The following BMP8A variants were observed in gnomAD, a reference collection of about 807,000 sequenced individuals.
BMP8A encodes the protein bone morphogenetic protein 8a.
Under a neutral mutation model 36.8 loss-of-function variants are expected in BMP8A, and 14 were observed. The observed-to-expected ratio is 0.38, with a 90% CI of 0.25 to 0.60. BMP8A has a LOEUF of 0.60. BMP8A is among the 20% of genes least tolerant of loss of function. The pLI is 0.63. For synonymous variants in BMP8A, 120 were observed against 237.7 expected, an observed-to-expected ratio of 0.50 and a Z score of 4.55; for missense variants, 267 against 551.1, an observed-to-expected ratio of 0.48 and a Z score of 5.16.
chr1:39,508,545 A>G (rs1645323272), intron 1 of BMP8A, among the ~76,000 whole-genome samples: 1 of 152,214 alleles, frequency 6.6e-6, no homozygotes, highest in African/African-American at 2.4e-5. Flanking sequence ...GAGCCCAGTT[A>G]CTGGCCAGAG....
chr1:39,523,490 A>G, intron 6 of BMP8A: 2 of 1,313,216 alleles, frequency 1.5e-6, no homozygotes, highest in Non-Finnish European at 2.0e-6. Context: ...CGGGCCCCCG[A>G]GTACGCTGGC....
intron 1 of BMP8A, among the ~76,000 whole-genome samples, chr1:39,509,804 A>C (rs1381239195): frequency 6.6e-6 from 1 of 152,090 alleles, no homozygotes; most frequent in Admixed American, 6.5e-5. Flanking sequence ...TTGAAATCTC[A>C]GTGTTGGGTT....
intron 3 of BMP8A, among the ~76,000 whole-genome samples, chr1:39,516,895 A>C (rs975668814): frequency 1.3e-5 from 2 of 152,078 alleles, no homozygotes; most frequent in African/African-American, 4.8e-5. Flanking sequence ...GGGACATTTT[A>C]CTACTGCAGT....
intron 1 of BMP8A, among the ~76,000 whole-genome samples, chr1:39,506,366 G>A (rs1300756997): frequency 2.0e-5 from 3 of 151,914 alleles, no homozygotes; most frequent in Non-Finnish European, 2.9e-5. Context: ...CTACCACCAC[G>A]CCCAGCTAAT....
chr1:39,519,595 G>A (rs1163669712), intron 3 of BMP8A, among the ~76,000 whole-genome samples: 4 of 148,286 alleles, frequency 2.7e-5, no homozygotes, highest in Non-Finnish European at 4.5e-5. Flanking sequence ...ACGGGTCAAA[G>A]GTTGGTCTCT....
chr1:39,517,507 T>C (rs1195095239), intron 3 of BMP8A, among the ~76,000 whole-genome samples: 1 of 151,890 alleles, frequency 6.6e-6, no homozygotes, highest in African/African-American at 2.4e-5. Flanking sequence ...TTTTTAACAG[T>C]AGAGATAGGG....
Position 39,491,831 on chromosome 1 carries a change from C to A in BMP8A, c.-161C>A, listed in dbSNP as rs2124291240. On this transcript the variant is annotated 5_prime_UTR_variant, in exon 1 of 7. Transcript: ENST00000331593. The stretch of plus-strand genomic sequence containing the variant: ...TTGTCCCGGAGCCGGGGCAGGTGCG[C>A]GCGGGGGGCGCTCCAGGGACCGCGC... 1.9e-6 allele frequency: 1 copy of A among 530,908 alleles called. No homozygotes were observed. 32.9% of individuals were successfully genotyped at this position (530,908 alleles called of 1,614,324 possible).
Position 39,529,434 on chromosome 1 carries a change from T to C in BMP8A, c.*3636T>C, listed in dbSNP as rs932539547. ...GGGTCTCTGCTGAGGAAGTGGCAGG[T>C]GTGCGGCCCTGCCCTGGCCCCGTAG... On this transcript the variant is annotated 3_prime_UTR_variant, in exon 7 of 7. Coordinates refer to ENST00000331593, the MANE Select transcript of BMP8A (RefSeq NM_181809.4). 1.3e-5 allele frequency among the ~76,000 whole-genome samples: 2 copies of C among 152,026 alleles called. No individual in the cohort carries two copies. Among genetic ancestry groups the C allele is most frequent in the Admixed American group, 6.5e-5 (1 of 15,272 alleles).
chr1:39,493,819 C>T (rs902364), intron 1 of BMP8A, among the ~76,000 whole-genome samples: 15,980 of 152,160 alleles, frequency 0.11, 1,541 homozygotes, highest in East Asian at 0.33. Flanking sequence ...ACACTGGGCT[C>T]AGGACCAAGA....
At chr1:39,523,158 A>G (rs374660521) in intron 6 of BMP8A, 41 bp downstream of exon 6, 123 of 1,598,944 alleles carry the variant, frequency 7.7e-5, no homozygotes, top group Middle Eastern at 5.0e-4. Flanking sequence ...CTGGGGTGGG[A>G]GGCCCTGCAG....
At chr1:39,504,283 C>T (rs533238507) in intron 1 of BMP8A, among the ~76,000 whole-genome samples, 2 of 151,898 alleles carry the variant, frequency 1.3e-5, no homozygotes, top group East Asian at 1.9e-4. Context: ...GGACCTGCAC[C>T]GGCACTGGTC....
chr1:39,522,452 C>G lies in BMP8A; in HGVS notation c.918C>G (p.Leu306=), dbSNP rs1213193134. 1 of 1,613,698 alleles carries G rather than the reference C, an allele frequency of 6.2e-7. No homozygotes were observed. Among genetic ancestry groups the G allele is most frequent in the East Asian group, 2.2e-5 (1 of 44,836 alleles). Residue 306 remains leucine (L), a synonymous_variant, in exon 5 of 7, where the codon CTC becomes CTG. Transcript: ENST00000331593. Reference sequence around the variant, plus strand: ...GGCAGGTCTGCCGTCGGCACGAGCTCTACGTCAGCTTCCAGGACCTTGGCT... The same window carrying G: ...GGCAGGTCTGCCGTCGGCACGAGCTGTACGTCAGCTTCCAGGACCTTGGCT... ...HGRQVCRRHE[L]YVSFQDLGWL... is the part of the protein sequence containing the mutation.
chr1:39,500,716 A>G (rs998024756), intron 1 of BMP8A, among the ~76,000 whole-genome samples: 2 of 151,984 alleles, frequency 1.3e-5, no homozygotes, highest in South Asian at 2.1e-4. Flanking sequence ...GCAGTGGTAC[A>G]GTTTCAGCTC....
intron 3 of BMP8A, chr1:39,516,247 C>T: frequency 1.6e-6 from 1 of 622,700 alleles, no homozygotes; most frequent in Non-Finnish European, 2.4e-6. Flanking sequence ...TGGTGGTCAC[C>T]ATGCAGCACT....
At chr1:39,507,229 C>G (rs548734709) in intron 1 of BMP8A, among the ~76,000 whole-genome samples, 41 of 152,330 alleles carry the variant, frequency 2.7e-4, no homozygotes, top group Non-Finnish European at 5.4e-4. Flanking sequence ...CCTCATGGGC[C>G]CCCCAGCCTA....
At chr1:39,511,386 G>A (rs1645353549) in intron 2 of BMP8A, 23 bp downstream of exon 2, 4 of 695,540 alleles carry the variant, frequency 5.8e-6, no homozygotes, top group Non-Finnish European at 9.6e-6. Context: ...TGGCCCGGGT[G>A]CCCCACCTAA....
chr1:39,510,773 G>C (rs1252008511), intron 1 of BMP8A, among the ~76,000 whole-genome samples: 1 of 152,230 alleles, frequency 6.6e-6, no homozygotes, highest in African/African-American at 2.4e-5. Context: ...TTTCCCTGCA[G>C]GGCTGGGGCC....
In BMP8A at chr1:39,525,679, A is replaced by G; in HGVS notation, c.1090A>G (p.Lys364Glu). The stretch of plus-strand genomic sequence containing the variant: ...CCTGATGAAGCCAAACGCAGTCCCC[A>G]AGGCGTGCTGTGCACCCACCAAGCT... ...VHLMKPNAVP[K>E]ACCAPTKLSA... Residue 364 changes from lysine (K) to glutamate (E), a missense_variant, in exon 7 of 7, where the codon AAG (lysine) becomes GAG (glutamate). Around this residue, in one of 7 missense-constraint regions of BMP8A, gnomAD observed 132 missense variants for 151.3 expected, o/e 0.87. Transcript: ENST00000331593. 6.2e-7 allele frequency: 1 copy of G among 1,614,034 alleles called. No individual in the cohort carries two copies. The highest frequency in any genetic ancestry group is 8.5e-7 in the Non-Finnish European group (1 of 1,180,004).
chr1:39,499,118 A>G (rs1042236466), intron 1 of BMP8A, among the ~76,000 whole-genome samples: 7 of 151,528 alleles, frequency 4.6e-5, no homozygotes, highest in Non-Finnish European at 8.9e-5. Flanking sequence ...GTCCAGAGGA[A>G]CAGCTGAACC....
Sources: gnomAD v4.1 joint callset for allele counts (sites outside exome capture counted in the v4.1 genomes callset) on GRCh38, gnomAD v4.1.1 for gene constraint, gnomAD v4.1.1 regional missense constraint, MANE v1.5 for transcripts, NCBI Gene and HGNC (gene_info 2026-07-23, HGNC 2026-07-21) for gene names.